Variants in BNC2 observed in about 807,000 individuals in gnomAD.
BNC2 encodes the protein basonuclin zinc finger protein 2.
BNC2 carries 20 observed loss-of-function variants against 76.3 expected under a neutral mutation model. That is an observed-to-expected ratio of 0.26 (90% CI 0.18 to 0.38). The LOEUF (loss-of-function observed/expected upper bound fraction) is 0.38. BNC2 is among the 10% of genes least tolerant of loss of function. The pLI is 1.00. For synonymous variants in BNC2, 582 were observed against 514.8 expected, an observed-to-expected ratio of 1.13 and a Z score of -1.77; for missense variants, 1,382 against 1,399.8, an observed-to-expected ratio of 0.99 and a Z score of 0.20.
chr9:16,745,299 CTAAG>C (rs1237832437), intron 1 of BNC2, among the ~76,000 whole-genome samples: 1 of 152,132 alleles, frequency 6.6e-6, no homozygotes, highest in Non-Finnish European at 1.5e-5. Flanking sequence ...TTGGCTCCTC[CTAAG>C]TGAGTGTGTA....
intron 1 of BNC2, among the ~76,000 whole-genome samples, chr9:16,755,858 G>C (rs556064340): frequency 2.1e-4 from 32 of 152,216 alleles, no homozygotes; most frequent in South Asian, 8.3e-4. Context: ...ATCCTTCTCC[G>C]CTTTTCTTAG....
intron 1 of BNC2, among the ~76,000 whole-genome samples, chr9:16,747,596 G>T (rs10733318): frequency 0.86 from 130,937 of 152,170 alleles, 56,729 homozygotes; most frequent in Non-Finnish European, 0.91. Flanking sequence ...TTATATTAAG[G>T]GTCAAACTGG....
At chr9:16,795,057 C>T (rs979629773) in intron 1 of BNC2, among the ~76,000 whole-genome samples, 2 of 152,210 alleles carry the variant, frequency 1.3e-5, no homozygotes, top group Admixed American at 6.5e-5. Flanking sequence ...TCCAGTCCAA[C>T]TCTCAACCTC....
intron 1 of BNC2, among the ~76,000 whole-genome samples, chr9:16,792,460 A>C (rs993561997): frequency 2.0e-5 from 3 of 152,242 alleles, no homozygotes; most frequent in Non-Finnish European, 4.4e-5. Context: ...AACCTGATTC[A>C]TATAATTCAA....
At chr9:16,564,243 T>A (rs576316678) in intron 4 of BNC2, among the ~76,000 whole-genome samples, 8 of 152,328 alleles carry the variant, frequency 5.3e-5, no homozygotes, top group African/African-American at 1.9e-4. Flanking sequence ...TAACTCAGCA[T>A]ATGAGAATGT....
chr9:16,567,763 G>A (rs1819209499), intron 4 of BNC2, among the ~76,000 whole-genome samples: 1 of 152,108 alleles, frequency 6.6e-6, no homozygotes, highest in African/African-American at 2.4e-5. Context: ...GGTTTCCACA[G>A]GAATATGCTC....
intron 2 of BNC2, among the ~76,000 whole-genome samples, chr9:16,734,674 G>A (rs979670129): frequency 6.6e-6 from 1 of 152,184 alleles, no homozygotes; most frequent in Non-Finnish European, 1.5e-5. Flanking sequence ...AGTATTGTGA[G>A]TACTATATGG....
chr9:16,779,417 A>G (rs560823983), intron 1 of BNC2, among the ~76,000 whole-genome samples: 15 of 152,226 alleles, frequency 9.9e-5, no homozygotes, highest in African/African-American at 2.6e-4. Context: ...TTGATGTGCT[A>G]TTATCTTAAA....
chr9:16,742,170 C>G (rs1345417013), intron 1 of BNC2, among the ~76,000 whole-genome samples: 1 of 152,162 alleles, frequency 6.6e-6, no homozygotes, highest in Non-Finnish European at 1.5e-5. Context: ...GGTCTAATGT[C>G]TATGAATTTA....
intron 1 of BNC2, among the ~76,000 whole-genome samples, chr9:16,845,548 C>T (rs972293208): frequency 7.3e-5 from 11 of 151,666 alleles, no homozygotes; most frequent in Non-Finnish European, 2.9e-5. Context: ...AGTGAAACCC[C>T]ATCTCTACTA....
chr9:16,863,714 A>C (rs1476222998), intron 1 of BNC2, among the ~76,000 whole-genome samples: 2 of 152,148 alleles, frequency 1.3e-5, no homozygotes, highest in Admixed American at 6.5e-5. Flanking sequence ...CTTAACAGAG[A>C]AAGTACAACT....
chr9:16,558,270 A>G (rs1818900183), intron 4 of BNC2, among the ~76,000 whole-genome samples: 1 of 152,228 alleles, frequency 6.6e-6, no homozygotes, highest in South Asian at 2.1e-4. Flanking sequence ...TGGACAGTGC[A>G]ATTGAATCCA....
At chr9:16,541,192 T>C (rs554132997) in intron 5 of BNC2, among the ~76,000 whole-genome samples, 50 of 152,338 alleles carry the variant, frequency 3.3e-4, no homozygotes, top group Non-Finnish European at 5.1e-4. Context: ...GAGACCACAA[T>C]TTGAATCCAA....
chr9:16,821,523 C>A (rs1457030796), intron 1 of BNC2, among the ~76,000 whole-genome samples: 1 of 152,182 alleles, frequency 6.6e-6, no homozygotes, highest in South Asian at 2.1e-4. Context: ...TTTTATATGA[C>A]TATAAAACAT....
intron 3 of BNC2, among the ~76,000 whole-genome samples, chr9:16,674,292 A>G (rs1822571837): frequency 6.6e-6 from 1 of 152,194 alleles, no homozygotes; most frequent in Non-Finnish European, 1.5e-5. Flanking sequence ...AGAAATAAAG[A>G]AATTCCAGAG....
chr9:16,774,653 T>A (rs997447106), intron 1 of BNC2, among the ~76,000 whole-genome samples: 16 of 152,258 alleles, frequency 1.1e-4, no homozygotes, highest in Admixed American at 5.9e-4. Flanking sequence ...AATCAAGATA[T>A]TTGCAGTATT....
In BNC2 at chr9:16,598,822, G is replaced by C. The variant is rs375635069; in HGVS notation, c.331-15737C>G. 1.8e-4 allele frequency among the ~76,000 whole-genome samples: 27 copies of C among 152,068 alleles called. No individual in the cohort carries two copies. In the East Asian group the frequency reaches 2.5e-3, roughly 14 times the overall value. ...GCTCACAGGCAGTGTATATATCCTG[G>C]GCAATACCTATTCCTTCTACCTGGA... On this transcript the variant is annotated intron_variant, in intron 3 of 6. Transcript: ENST00000380672.
At chr9:16,659,356 T>C (rs559332894) in intron 3 of BNC2, among the ~76,000 whole-genome samples, 2 of 152,138 alleles carry the variant, frequency 1.3e-5, no homozygotes, top group South Asian at 2.1e-4. Context: ...TCACGCGTAA[T>C]CACAGCACTT....
chr9:16,659,006 G>A (rs1822016616), intron 3 of BNC2, among the ~76,000 whole-genome samples: 3 of 152,146 alleles, frequency 2.0e-5, no homozygotes, highest in Admixed American at 2.0e-4. Context: ...TTTTTTGAAT[G>A]TGATTAAACT....
Sources: allele counts gnomAD v4.1 joint callset (sites outside exome capture counted in the v4.1 genomes callset), GRCh38; gene constraint gnomAD v4.1.1; transcripts MANE v1.5; gene names NCBI Gene and HGNC (gene_info 2026-07-23, HGNC 2026-07-21).